The following RBFOX1 variants were observed in gnomAD, a reference collection of about 807,000 sequenced individuals.
The protein encoded by RBFOX1 is RNA binding fox-1 homolog 1.
RBFOX1 carries 8 observed loss-of-function variants against 57.7 expected under a neutral mutation model. The ratio of observed to expected loss-of-function variants is 0.14; its 90% CI spans 0.08 to 0.25. The LOEUF (loss-of-function observed/expected upper bound fraction) is 0.25. Among genes scored for constraint, RBFOX1 ranks in the 10% least tolerant of loss-of-function variants. RBFOX1 has a pLI of 1.00. For synonymous variants in RBFOX1, 326 were observed against 222.4 expected, an observed-to-expected ratio of 1.47 and a Z score of -4.15; for missense variants, 611 against 548.5, an observed-to-expected ratio of 1.11 and a Z score of -1.14.
intron 2 of RBFOX1, among the ~76,000 whole-genome samples, chr16:6,603,300 A>T (rs1761610692): frequency 1.3e-5 from 2 of 152,126 alleles, no homozygotes; most frequent in South Asian, 4.1e-4. Flanking sequence ...AGAGCTTCTG[A>T]TTTTTTCAAG....
intron 1 of RBFOX1, among the ~76,000 whole-genome samples, chr16:5,442,289 C>G (rs189114372): frequency 6.6e-6 from 1 of 152,224 alleles, no homozygotes; most frequent in Non-Finnish European, 1.5e-5. Context: ...GTTATGAGAG[C>G]AGCAGCCCAT....
At chr16:6,804,940 G>T (rs2086374458) in intron 3 of RBFOX1, among the ~76,000 whole-genome samples, 1 of 152,170 alleles carries the variant, frequency 6.6e-6, no homozygotes, top group Non-Finnish European at 1.5e-5. Context: ...ATATGCTGTT[G>T]GTCGGAGTGT....
chr16:6,411,983 T>A (rs1222705706), intron 2 of RBFOX1, among the ~76,000 whole-genome samples: 1 of 151,914 alleles, frequency 6.6e-6, no homozygotes, highest in Non-Finnish European at 1.5e-5. Flanking sequence ...AATACAAAAA[T>A]TAGCTGGGTG....
At position 7,294,440 on chromosome 16, in the gene RBFOX1, A is replaced by G. The variant is rs974701409; in HGVS notation, c.28-223707A>G. Among the ~76,000 whole-genome samples the G allele has an allele frequency of 3.3e-5, 5 of 151,586 alleles. 1 individual carries two copies. Among genetic ancestry groups the G allele is most frequent in the African/African-American group, 1.2e-4 (5 of 41,190 alleles). On this transcript the variant is annotated intron_variant, in intron 4 of 15. Coordinates refer to ENST00000550418, the MANE Select transcript of RBFOX1 (RefSeq NM_018723.4). ...TGGTGTGTCTCGGGTCTCTTTTGACATATGTCAGTTGGCTGCTCTGATAGA... is the reference window on the plus strand; with the variant it reads ...TGGTGTGTCTCGGGTCTCTTTTGACGTATGTCAGTTGGCTGCTCTGATAGA...
At chr16:6,851,478 T>G (rs900633813) in intron 3 of RBFOX1, among the ~76,000 whole-genome samples, 3 of 152,204 alleles carry the variant, frequency 2.0e-5, no homozygotes, top group Admixed American at 6.5e-5. Flanking sequence ...ATTTTTAAAA[T>G]TCCTTCATAT....
chr16:7,626,237 C>T (rs975727136), intron 10 of RBFOX1, among the ~76,000 whole-genome samples: 2 of 152,214 alleles, frequency 1.3e-5, no homozygotes, highest in Non-Finnish European at 1.5e-5. Flanking sequence ...TCGACACTTC[C>T]TCCTTCCTGT....
At chr16:7,598,792 C>G (rs181616389) in intron 9 of RBFOX1, among the ~76,000 whole-genome samples, 346 of 152,076 alleles carry the variant, frequency 2.3e-3, no homozygotes, top group African/African-American at 8.0e-3. Flanking sequence ...ACAGATTAGA[C>G]TAATTCATTT....
chr16:6,574,570 AG>A (rs1293486758), intron 2 of RBFOX1, among the ~76,000 whole-genome samples: 1 of 150,256 alleles, frequency 6.7e-6, no homozygotes, highest in Non-Finnish European at 1.5e-5. Flanking sequence ...CTGGGACTAC[AG>A]GCGCCCGCCA....
At chr16:5,466,153 G>C (rs954674122) in intron 1 of RBFOX1, among the ~76,000 whole-genome samples, 1 of 152,244 alleles carries the variant, frequency 6.6e-6, no homozygotes, top group Non-Finnish European at 1.5e-5. Flanking sequence ...CGGCAGAAGC[G>C]CAAGCTTGCG....
chr16:6,388,632 T>C (rs2092431284), intron 2 of RBFOX1, among the ~76,000 whole-genome samples: 1 of 152,052 alleles, frequency 6.6e-6, no homozygotes. Flanking sequence ...CTCAGCACTT[T>C]GGTAGGCTGA....
intron 5 of RBFOX1, among the ~76,000 whole-genome samples, chr16:7,549,250 G>C (rs1230754959): frequency 6.6e-6 from 1 of 152,178 alleles, no homozygotes; most frequent in South Asian, 2.1e-4. Flanking sequence ...CCCCAATTTG[G>C]AACAACCATT....
intron 3 of RBFOX1, among the ~76,000 whole-genome samples, chr16:6,993,198 A>G (rs1243932013): frequency 6.6e-6 from 1 of 151,234 alleles, no homozygotes; most frequent in Non-Finnish European, 1.5e-5. Flanking sequence ...TTGAGGCTGA[A>G]TGGTATTGAT....
At chr16:6,924,988 T>G (rs568132708) in intron 3 of RBFOX1, among the ~76,000 whole-genome samples, 4 of 151,834 alleles carry the variant, frequency 2.6e-5, no homozygotes, top group Non-Finnish European at 5.9e-5. Flanking sequence ...GTTTCCAGTT[T>G]CATCCATGTC....
At chr16:6,988,145 C>A (rs114440006) in intron 3 of RBFOX1, among the ~76,000 whole-genome samples, 1 of 152,050 alleles carries the variant, frequency 6.6e-6, no homozygotes, top group East Asian at 1.9e-4. Flanking sequence ...AAAAAGAAAA[C>A]GCATTTCAAA....
intron 4 of RBFOX1, among the ~76,000 whole-genome samples, chr16:7,345,489 T>C (rs962672745): frequency 2.6e-5 from 4 of 152,190 alleles, no homozygotes; most frequent in African/African-American, 9.6e-5. Flanking sequence ...CCTGGTGTTT[T>C]GGCAGACAGT....
chr16:5,935,416 G>C (rs2059148323), intron 4 of RBFOX1, among the ~76,000 whole-genome samples: 1 of 152,200 alleles, frequency 6.6e-6, no homozygotes, highest in African/African-American at 2.4e-5. Flanking sequence ...GGATCAGGTA[G>C]GCAGCATAAG....
In RBFOX1 at chr16:7,176,387, A is replaced by G. The variant is rs980649059; in HGVS notation, c.27+124289A>G. 7.2e-5 allele frequency among the ~76,000 whole-genome samples: 11 copies of G among 152,086 alleles called. No individual in the cohort carries two copies. The East Asian group carries it at 1.8e-3, about 24-fold the overall frequency. On this transcript the variant is annotated intron_variant, in intron 4 of 15. Transcript: ENST00000550418. ...GGCATATAGAGTGTACTTTGTGACT[A>G]TAATTTGACCACACACAGTTAAGAT... is the stretch of plus-strand genomic sequence containing the variant.
chr16:5,392,924 G>A (rs1193267297), intron 1 of RBFOX1, among the ~76,000 whole-genome samples: 1 of 152,242 alleles, frequency 6.6e-6, no homozygotes, highest in African/African-American at 2.4e-5. Flanking sequence ...CAACACATGG[G>A]TCAGATGGTA....
intron 3 of RBFOX1, among the ~76,000 whole-genome samples, chr16:6,715,463 A>G (rs4786922): frequency 0.76 from 115,773 of 152,026 alleles, 44,514 homozygotes; most frequent in Middle Eastern, 0.9. Flanking sequence ...TGCCAAGTTT[A>G]TAATTGGCAA....
Sources: gnomAD v4.1 joint callset for allele counts (sites outside exome capture counted in the v4.1 genomes callset) on GRCh38, gnomAD v4.1.1 for gene constraint, MANE v1.5 for transcripts, NCBI Gene and HGNC (gene_info 2026-07-23, HGNC 2026-07-21) for gene names.